ADAM23: variants seen among roughly 807,000 people sequenced by gnomAD.
ADAM23 encodes ADAM metallopeptidase domain 23.
In ADAM23, 33 loss-of-function variants were observed where a neutral mutation model predicts 120.1. The ratio of observed to expected loss-of-function variants is 0.27; its 90% CI spans 0.21 to 0.37. ADAM23 has a LOEUF of 0.37. ADAM23 is among the 10% of genes least tolerant of loss of function. The probability of loss-of-function intolerance (pLI) is 1.00; values close to 1 mark genes in which losing one functional copy is unlikely to be tolerated. For synonymous variants in ADAM23, 367 were observed against 375.2 expected (o/e 0.98, Z 0.25); for missense variants, 862 against 1,058.2 (o/e 0.81, Z 2.57).
At chr2:206,514,438 A>G (rs534053967) in intron 3 of ADAM23, among the ~76,000 whole-genome samples, 162 of 152,338 alleles carry the variant, frequency 1.1e-3, no homozygotes, top group Non-Finnish European at 2.1e-3. Context: ...AGGAACAACT[A>G]GAAGTGGAGC....
At chr2:206,479,922 A>G (rs1322794037) in intron 2 of ADAM23, among the ~76,000 whole-genome samples, 2 of 152,200 alleles carry the variant, frequency 1.3e-5, no homozygotes, top group Non-Finnish European at 2.9e-5. Flanking sequence ...GACTGAAAGT[A>G]TAAGTCATGG....
chr2:206,559,943 G>A lies in ADAM23; in HGVS notation c.1006-12G>A, dbSNP rs754922511. ...GTTTTCCTCCTGCACCTGTCCTGTT[G>A]TATACCCTCAGATTTACAAGGAGCA... On this transcript the variant is annotated splice_polypyrimidine_tract_variant and intron_variant, in intron 10 of 25. Coordinates refer to ENST00000264377, the MANE Select transcript of ADAM23 (RefSeq NM_003812.4). The A allele has an allele frequency of 1.9e-6, 3 of 1,609,718 alleles. No homozygotes were observed. In the South Asian group the frequency reaches 3.3e-5, roughly 18 times the overall value.
intron 15 of ADAM23, among the ~76,000 whole-genome samples, chr2:206,569,443 T>G (rs750647920): frequency 2.5e-4 from 38 of 152,232 alleles, no homozygotes; most frequent in Non-Finnish European, 4.9e-4. Context: ...AAGTGACTTT[T>G]TCCCCCAAGC....
At chr2:206,498,420 A>G (rs1310932801) in intron 3 of ADAM23, among the ~76,000 whole-genome samples, 3 of 152,230 alleles carry the variant, frequency 2.0e-5, no homozygotes, top group African/African-American at 7.2e-5. Flanking sequence ...CTATTTAATA[A>G]ATGGTGCTGG....
intron 18 of ADAM23, among the ~76,000 whole-genome samples, chr2:206,580,065 T>A (rs1698193436): frequency 6.6e-6 from 1 of 152,212 alleles, no homozygotes. Context: ...TACATTAATC[T>A]TGTATCTGGA....
At chr2:206,549,020 G>C (rs1318930681) in intron 8 of ADAM23, among the ~76,000 whole-genome samples, 2 of 151,772 alleles carry the variant, frequency 1.3e-5, no homozygotes, top group Non-Finnish European at 2.9e-5. Context: ...GTAATGATGG[G>C]GACTGTTTAG....
intron 7 of ADAM23, among the ~76,000 whole-genome samples, chr2:206,547,997 A>G (rs554922464): frequency 9.2e-5 from 14 of 152,260 alleles, no homozygotes; most frequent in Non-Finnish European, 1.5e-4. Flanking sequence ...TGAATTAGAC[A>G]TAGTAGAACT....
At chr2:206,600,748 A>G (rs570048073) in intron 24 of ADAM23, among the ~76,000 whole-genome samples, 3 of 152,258 alleles carry the variant, frequency 2.0e-5, no homozygotes, top group East Asian at 1.9e-4. Context: ...GTTGTCCACT[A>G]TGGACCCATA....
At chr2:206,488,602 T>G (rs921197532) in intron 3 of ADAM23, among the ~76,000 whole-genome samples, 1 of 152,186 alleles carries the variant, frequency 6.6e-6, no homozygotes, top group African/African-American at 2.4e-5. Flanking sequence ...GCTAGAGTTT[T>G]GTCCACTAAC....
At chr2:206,523,606 C>T (rs374939003) in intron 3 of ADAM23, among the ~76,000 whole-genome samples, 22 of 151,856 alleles carry the variant, frequency 1.4e-4, no homozygotes, top group African/African-American at 5.3e-4. Flanking sequence ...GGTATGAAAA[C>T]TATTTTAGGT....
intron 2 of ADAM23, among the ~76,000 whole-genome samples, chr2:206,478,330 A>C (rs1189341635): frequency 2.0e-5 from 3 of 152,204 alleles, no homozygotes; most frequent in Non-Finnish European, 2.9e-5. Flanking sequence ...GGAAATCTTA[A>C]ATCATTTTAT....
At chr2:206,602,530 T>G (rs1698657568) in intron 24 of ADAM23, among the ~76,000 whole-genome samples, 1 of 152,178 alleles carries the variant, frequency 6.6e-6, no homozygotes, top group East Asian at 1.9e-4. Flanking sequence ...GAAAGCACTT[T>G]GGTCCATGGA....
At chr2:206,467,673 A>AC (rs1446848290) in intron 2 of ADAM23, among the ~76,000 whole-genome samples, 3 of 152,070 alleles carry the variant, frequency 2.0e-5, no homozygotes, top group Admixed American at 6.5e-5. Flanking sequence ...CAGGATGGTG[A>AC]CCCCTTCTCA....
intron 18 of ADAM23, among the ~76,000 whole-genome samples, chr2:206,574,467 A>G (rs1487692807): frequency 1.0e-4 from 14 of 140,490 alleles, no homozygotes; most frequent in Non-Finnish European, 9.2e-5. Context: ...CTTCATAATT[A>G]GTTATCTTTA....
intron 1 of ADAM23, 58 bp from the exon 2 acceptor site, chr2:206,445,249 A>G: frequency 1.6e-6 from 2 of 1,232,530 alleles, no homozygotes; most frequent in Non-Finnish European, 2.4e-6. Context: ...TGGGGTAAAT[A>G]TGTGTGTGTT....
At chr2:206,518,669 TA>T (rs1174838131) in intron 3 of ADAM23, among the ~76,000 whole-genome samples, 6 of 152,204 alleles carry the variant, frequency 3.9e-5, no homozygotes, top group Non-Finnish European at 7.3e-5. Flanking sequence ...AATTTCTATG[TA>T]AAGGAATTTT....
At chr2:206,529,020 C>G (rs530574699) in intron 3 of ADAM23, among the ~76,000 whole-genome samples, 1 of 152,172 alleles carries the variant, frequency 6.6e-6, no homozygotes, top group Non-Finnish European at 1.5e-5. Flanking sequence ...CCCTAATAAT[C>G]CAGTGCTCTT....
At chr2:206,512,962 G>A (rs1446733412) in intron 3 of ADAM23, among the ~76,000 whole-genome samples, 1 of 151,994 alleles carries the variant, frequency 6.6e-6, no homozygotes, top group Non-Finnish European at 1.5e-5. Context: ...GGTTGTTTTG[G>A]GGGTACCACA....
Position 206,524,782 on chromosome 2 carries a change from C to T in ADAM23, c.510-6103C>T, listed in dbSNP as rs570717049. Among the ~76,000 whole-genome samples, 152 of 152,260 alleles carry T rather than the reference C, an allele frequency of 1.0e-3. 4 individuals are homozygous for T. In the South Asian group the frequency reaches 0.029, roughly 29 times the overall value. ...CTCCCACTGGGTCCCTCCCACAACACGTGGGAATTATGGGAGCTACAATTC... is the reference window on the plus strand; with the variant it reads ...CTCCCACTGGGTCCCTCCCACAACATGTGGGAATTATGGGAGCTACAATTC... On this transcript the variant is annotated intron_variant, in intron 3 of 25. Coordinates refer to ENST00000264377, the MANE Select transcript of ADAM23 (RefSeq NM_003812.4).
Sources: gnomAD v4.1 joint callset for allele counts (sites outside exome capture counted in the v4.1 genomes callset) on GRCh38, gnomAD v4.1.1 for gene constraint, MANE v1.5 for transcripts, NCBI Gene and HGNC (gene_info 2026-07-23, HGNC 2026-07-21) for gene names.